The following RNF141 variants were observed in gnomAD, a reference collection of about 807,000 sequenced individuals.
RNF141 encodes ring finger protein 141.
A neutral mutation model predicts 27.4 loss-of-function variants in RNF141; 18 were observed. The observed-to-expected ratio is 0.66, with a 90% CI of 0.45 to 0.97. The LOEUF is 0.97. Ranked by LOEUF, RNF141 falls within the 50% of genes least tolerant of loss-of-function variation. The pLI, the probability that RNF141 is intolerant of heterozygous loss-of-function variation, is 0.00. For missense variants in RNF141, 230 were observed against 279.4 expected, an observed-to-expected ratio of 0.82 and a Z score of 1.26; for synonymous variants, 97 against 96.6, an observed-to-expected ratio of 1.00 and a Z score of -0.02.
chr11:10,530,645 T>G lies in RNF141; in HGVS notation c.250A>C (p.Lys84Gln). ...GTAGAAGTCTCCATCAGTCTCACCT[T>G]GGTACAGACCACCCGTACAACCACT... ...WKVVVRVVCT[K>Q]INKSSGIVEA... The change falls in exon 3 of 6, where the codon AAG becomes CAG. Residue 84 changes from lysine to glutamine, a missense_variant and splice_region_variant. By Grantham distance (53) the Lys-to-Gln change is moderately conservative. Transcript: ENST00000265981. The G allele has an allele frequency of 6.3e-7, 1 of 1,590,184 alleles. No individual in the cohort carries two copies. Among genetic ancestry groups the G allele is most frequent in the Non-Finnish European group, 8.6e-7 (1 of 1,161,324 alleles).
At chr11:10,515,192 ATCCC>A in intron 5 of RNF141, 126 bp from the exon 6 acceptor site, 4 of 1,030,958 alleles carry the variant, frequency 3.9e-6, no homozygotes, top group Non-Finnish European at 5.5e-6. Context: ...TGAAAAATAA[ATCCC>A]TCCCTCCTAT....
At chr11:10,520,065 C>T (rs988791701) in intron 4 of RNF141, among the ~76,000 whole-genome samples, 1 of 152,098 alleles carries the variant, frequency 6.6e-6, no homozygotes, top group East Asian at 1.9e-4. Context: ...TGCATGCAGC[C>T]CGTGGGCCGT....
chr11:10,526,080 C>T (rs781749369), intron 3 of RNF141, among the ~76,000 whole-genome samples: 3 of 151,952 alleles, frequency 2.0e-5, no homozygotes, highest in Admixed American at 6.5e-5. Flanking sequence ...ATGAAATGAC[C>T]GAGGCCAGTA....
intron 4 of RNF141, among the ~76,000 whole-genome samples, chr11:10,522,152 G>A (rs950510810): frequency 3.3e-5 from 5 of 152,186 alleles, no homozygotes; most frequent in African/African-American, 7.2e-5. Context: ...AGGGAAAAGA[G>A]GGAAGTCACT....
At chr11:10,520,473 T>C (rs1174397036) in intron 4 of RNF141, among the ~76,000 whole-genome samples, 1 of 152,196 alleles carries the variant, frequency 6.6e-6, no homozygotes, top group African/African-American at 2.4e-5. Context: ...CACTGGAAGG[T>C]CTTCAGGGGC....
At chr11:10,538,570 T>C (rs1591502452) in intron 1 of RNF141, among the ~76,000 whole-genome samples, 2 of 152,228 alleles carry the variant, frequency 1.3e-5, no homozygotes. Flanking sequence ...CATTTCCCTC[T>C]AGTGAGCTTC....
At chr11:10,530,280 A>C (rs572748946) in intron 3 of RNF141, among the ~76,000 whole-genome samples, 1 of 152,352 alleles carries the variant, frequency 6.6e-6, no homozygotes, top group African/African-American at 2.4e-5. Flanking sequence ...TGTATTCTTA[A>C]AAGAAATGAT....
At chr11:10,533,052 C>T (rs1850002410) in intron 2 of RNF141, among the ~76,000 whole-genome samples, 1 of 152,120 alleles carries the variant, frequency 6.6e-6, no homozygotes, top group Non-Finnish European at 1.5e-5. Flanking sequence ...AAACAGAGAA[C>T]CTTTAAGATC....
At chr11:10,521,655 T>C (rs1226124134) in intron 4 of RNF141, among the ~76,000 whole-genome samples, 1 of 152,194 alleles carries the variant, frequency 6.6e-6, no homozygotes, top group African/African-American at 2.4e-5. Context: ...AAGTGCTAAG[T>C]AAAGAAGGAA....
chr11:10,522,349 G>A (rs1008154131), intron 4 of RNF141, among the ~76,000 whole-genome samples: 9 of 152,204 alleles, frequency 5.9e-5, no homozygotes, highest in Non-Finnish European at 1.3e-4. Flanking sequence ...AAGAATGGGA[G>A]ATACAGAAAT....
chr11:10,525,110 G>T, intron 4 of RNF141, 82 bp downstream of exon 4: 6 of 1,061,370 alleles, frequency 5.7e-6, no homozygotes, highest in Non-Finnish European at 6.6e-6. Context: ...ATGCTACAAT[G>T]AGCAACAGCA....
At chr11:10,525,512 G>A (rs192535512) in intron 3 of RNF141, 139 bp from the exon 4 acceptor site, 2 of 615,830 alleles carry the variant, frequency 3.2e-6, no homozygotes, top group African/African-American at 3.7e-5. Flanking sequence ...AAGAAAGCAA[G>A]AGTCTGAATA....
intron 4 of RNF141, 59 bp downstream of exon 4, chr11:10,525,132 AG>A: frequency 7.8e-7 from 1 of 1,288,430 alleles, no homozygotes; most frequent in Non-Finnish European, 1.1e-6. Context: ...AAATATTAAT[AG>A]ATTTCAGTTG....
chr11:10,520,436 A>G (rs984980568), intron 4 of RNF141, among the ~76,000 whole-genome samples: 4 of 152,172 alleles, frequency 2.6e-5, no homozygotes, highest in Non-Finnish European at 5.9e-5. Flanking sequence ...CACCACCATC[A>G]CTGTCTTCCG....
chr11:10,513,720 C>G lies in RNF141; in HGVS notation c.*1196G>C, dbSNP rs1483207407. The stretch of plus-strand genomic sequence containing the variant: ...TTTGATTAGGAGTCTCGTTCTGTCT[C>G]CCAGGCTGGAGTGCAGTGGTGTGAT... On this transcript the variant is annotated 3_prime_UTR_variant, in exon 6 of 6. Coordinates refer to ENST00000265981, the MANE Select transcript of RNF141 (RefSeq NM_016422.4). 1.3e-5 allele frequency: 2 copies of G among 151,972 alleles called. No homozygotes were observed. The highest frequency in any genetic ancestry group is 4.8e-5 in the African/African-American group (2 of 41,376). 9.4% of individuals were successfully genotyped at this position (151,972 alleles called of 1,614,324 possible).
chr11:10,512,517 T>A lies in RNF141; in HGVS notation c.*2399A>T, dbSNP rs192936200. The stretch of plus-strand genomic sequence containing the variant: ...TGAAGGATTCTGGGGGATAAAATCA[T>A]TGGCTATCCCTGGAAAGATCCAAAA... On this transcript the variant is annotated 3_prime_UTR_variant, in exon 6 of 6. Transcript: ENST00000265981. 130 of 152,732 alleles carry A rather than the reference T, an allele frequency of 8.5e-4. 1 individual carries two copies. The highest frequency in any genetic ancestry group is 3.0e-3 in the African/African-American group (125 of 41,588). The allele number at this position is 152,732 out of a possible 1,614,324, so 9.5% of individuals were successfully genotyped here.
Position 10,524,242 on chromosome 11 carries a change from C to T in RNF141, c.434+950G>A, listed in dbSNP as rs71476875. Among the ~76,000 whole-genome samples the T allele has an allele frequency of 6.8e-3, 1,030 of 152,196 alleles. 17 individuals carry two copies. Among genetic ancestry groups the T allele is most frequent in the Non-Finnish European group, 6.3e-3 (428 of 67,998 alleles). On this transcript the variant is annotated intron_variant, in intron 4 of 5. Coordinates refer to ENST00000265981, the MANE Select transcript of RNF141 (RefSeq NM_016422.4). The stretch of plus-strand genomic sequence containing the variant: ...CGTCCTGGCTAACACGGTGAAACCC[C>T]GTCTCTACTAAAAATACAAAAAATT...
rs1371021183 is a variant in RNF141 at position 10,539,357 on chromosome 11, G to A, written c.-48+1765C>T. ...ACTAAATGACAAGTACTGCACTGTA[G>A]TATTTTAAAAACCTCTCTGAAACCA... On this transcript the variant is annotated intron_variant, in intron 1 of 5. Transcript: ENST00000265981. Among the ~76,000 whole-genome samples the A allele has an allele frequency of 2.6e-5, 4 of 151,978 alleles. No individual in the cohort carries two copies. The East Asian group carries it at 7.7e-4, about 29-fold the overall frequency.
Position 10,519,023 on chromosome 11 carries a change from A to G in RNF141, c.542+11T>C, listed in dbSNP as rs1849864706. On this transcript the variant is annotated intron_variant, in intron 5 of 5. Transcript: ENST00000265981. ...CCTTGGCCCAGCCCATGAATGCAGT[A>G]GGTAACTTACCATTTATCAATACAC... is the stretch of plus-strand genomic sequence containing the variant. The G allele has an allele frequency of 1.2e-6, 2 of 1,607,028 alleles. No individual in the cohort carries two copies. The highest frequency in any genetic ancestry group is 1.3e-5 in the African/African-American group (1 of 74,784).
Sources: gnomAD v4.1 joint callset for allele counts (sites outside exome capture counted in the v4.1 genomes callset) on GRCh38, gnomAD v4.1.1 for gene constraint, MANE v1.5 for transcripts, NCBI Gene and HGNC (gene_info 2026-07-23, HGNC 2026-07-21) for gene names.